Variants in ADGRA2 observed in about 807,000 individuals in gnomAD.
ADGRA2 encodes the protein adhesion G protein-coupled receptor A2.
In ADGRA2, 61 loss-of-function variants were observed where a neutral mutation model predicts 98.7. That is an observed-to-expected ratio of 0.62 (90% CI 0.50 to 0.76). The LOEUF is 0.76. Ranked by LOEUF, ADGRA2 falls within the 30% of genes least tolerant of loss-of-function variation. ADGRA2 has a pLI of 0.00. For synonymous variants in ADGRA2, 858 were observed against 831.5 expected (o/e 1.03, Z -0.55); for missense variants, 1,712 against 1,860.0 (o/e 0.92, Z 1.46).
intron 1 of ADGRA2, among the ~76,000 whole-genome samples, chr8:37,805,580 TC>T (rs898907350): frequency 2.0e-5 from 3 of 151,684 alleles, no homozygotes; most frequent in African/African-American, 7.3e-5. Context: ...ATTTTTTTTT[TC>T]TTTTTTGGCC....
chr8:37,839,170 C>A, intron 15 of ADGRA2, 87 bp downstream of exon 15: 1 of 1,528,158 alleles, frequency 6.5e-7, no homozygotes, highest in Non-Finnish European at 9.1e-7. Context: ...TGCTCCGGTA[C>A]ATACTTTCAA....
chr8:37,835,822 C>G, intron 13 of ADGRA2, 52 bp downstream of exon 13: 1 of 1,206,086 alleles, frequency 8.3e-7, no homozygotes, highest in Non-Finnish European at 1.2e-6. Flanking sequence ...TGTGTCCGCC[C>G]TGTTCCCCTT....
chr8:37,840,394 T>A, intron 17 of ADGRA2, 128 bp downstream of exon 17: 1 of 975,526 alleles, frequency 1.0e-6, no homozygotes, highest in African/African-American at 1.6e-5. Flanking sequence ...CGGGGGAGGC[T>A]AGGCCCTAGA....
At chr8:37,828,623 A>G (rs1224113685) in intron 2 of ADGRA2, among the ~76,000 whole-genome samples, 1 of 147,766 alleles carries the variant, frequency 6.8e-6, no homozygotes, top group Non-Finnish European at 1.5e-5. Flanking sequence ...ACAGGTGCAC[A>G]CTGCCACACC....
In ADGRA2 at chr8:37,833,969, G is replaced by T; in HGVS notation, c.1449G>T (p.Leu483=). The T allele has an allele frequency of 1.2e-6, 2 of 1,612,074 alleles. No homozygotes were observed. The highest frequency in any genetic ancestry group is 1.7e-6 in the Non-Finnish European group (2 of 1,178,982). ...CAGCAACTTCCCTGTCCCCCCAGCT[G>T]GTAGAGGTGATGGTGGACATGGCCA... ...FLGYVDQIKE[L]VEVMVDMASN... The change falls in exon 11 of 19, where the codon CTG becomes CTT. Residue 483 remains leucine, a splice_region_variant and synonymous_variant. Transcript: ENST00000412232.
rs139385983 is a variant in ADGRA2 at position 37,832,365 on chromosome 8, C to G, written c.1098-645C>G. On this transcript the variant is annotated intron_variant, in intron 8 of 18. Coordinates refer to ENST00000412232, the MANE Select transcript of ADGRA2 (RefSeq NM_032777.10). Reference sequence around the variant, plus strand: ...ACTGCGACTTTTTTTTAGACAGGGTCTTGCTCTTTCATCCAGGCTCCAGTG... The same window carrying G: ...ACTGCGACTTTTTTTTAGACAGGGTGTTGCTCTTTCATCCAGGCTCCAGTG... Among the ~76,000 whole-genome samples the G allele has an allele frequency of 3.0e-4, 46 of 152,182 alleles. No individual in the cohort carries two copies. The East Asian group carries it at 7.9e-3, about 26-fold the overall frequency.
At position 37,840,856 on chromosome 8, in the gene ADGRA2, A is replaced by ACCCCCCCCCCC; in HGVS notation, c.2747+11_2747+12insCCCCCCCCCCC. 2 of 1,483,342 alleles carry ACCCCCCCCCCC rather than the reference A, an allele frequency of 1.3e-6. No homozygotes were observed. The allele number at this position is 1,483,342 out of a possible 1,614,324, so 91.9% of individuals were successfully genotyped here. A position where few individuals can be genotyped will look rare whatever the true frequency, so the allele number is the denominator to read the frequency against. The stretch of plus-strand genomic sequence containing the variant: ...ACCGGGACCACAGCCCCTAGTGAGC[A>ACCCCCCCCCCC]CCCCTCCCTCCCGCCCCAAGCCTAC... On this transcript the variant is annotated splice_region_variant and intron_variant, in intron 18 of 18. Transcript: ENST00000412232.
At chr8:37,811,656 G>T (rs1236950793) in intron 1 of ADGRA2, among the ~76,000 whole-genome samples, 4 of 141,358 alleles carry the variant, frequency 2.8e-5, no homozygotes, top group African/African-American at 7.9e-5. Flanking sequence ...TTGTATTTTT[G>T]GTAGAGACGG....
rs753148485 is a variant in ADGRA2, at chr8:37,834,231, G to A, written c.1608+103G>A. 47 of 1,110,294 alleles carry A rather than the reference G, an allele frequency of 4.2e-5. No individual in the cohort carries two copies. The highest frequency in any genetic ancestry group is 5.1e-5 in the Non-Finnish European group (40 of 786,544). 68.8% of individuals were successfully genotyped at this position (1,110,294 alleles called of 1,614,324 possible). On this transcript the variant is annotated intron_variant, in intron 11 of 18. Coordinates refer to ENST00000412232, the MANE Select transcript of ADGRA2 (RefSeq NM_032777.10). This position sits in a 1 kb window ranked among gnomAD's most constrained non-coding sequence, Gnocchi z 4.2. ...GCCCCAGCTAGCAAGAGCAGCAGAC[G>A]TGACAAAGTTCTGAGCCATGGGGTT...
Position 37,841,300 on chromosome 8 carries a change from G to A in ADGRA2, c.2962G>A (p.Asp988Asn). The part of the protein sequence containing the change: ...RLRGSGPLLS[D>N]SGSLLATGSA... ...CAGGGGCAGCGGCCCCCTCCTGAGT[G>A]ACTCAGGTTCCCTTCTTGCTACTGG... Residue 988 changes from aspartate (D) to asparagine (N), a missense_variant, in exon 19 of 19, where the codon GAC (aspartate) becomes AAC (asparagine). Physicochemically the swap from Asp to Asn is conservative, Grantham distance 23 (BLOSUM62 1). Coordinates refer to ENST00000412232, the MANE Select transcript of ADGRA2 (RefSeq NM_032777.10). This position sits in a 1 kb window ranked among gnomAD's most constrained non-coding sequence, Gnocchi z 5.0. 1 of 1,609,522 alleles carries A rather than the reference G, an allele frequency of 6.2e-7. No individual in the cohort carries two copies. Among genetic ancestry groups the A allele is most frequent in the Non-Finnish European group, 8.5e-7 (1 of 1,177,898 alleles).
Position 37,842,286 on chromosome 8 carries a change from G to T in ADGRA2, c.3948G>T (p.Leu1316=), listed in dbSNP as rs1437052592. 1.9e-6 allele frequency: 3 copies of T among 1,578,428 alleles called. No homozygotes were observed. The East Asian group carries it at 7.0e-5, about 37-fold the overall frequency. The change falls in exon 19 of 19, where the codon CTG becomes CTT. Residue 1316 remains leucine, a synonymous_variant. Transcript: ENST00000412232. The part of the protein sequence containing the change: ...PKGGKYDDVT[L]MGAEVASGGC... ...GGGGCAAGTACGACGACGTCACCCT[G>T]ATGGGCGCGGAGGTAGCCAGCGGCG... is the stretch of plus-strand genomic sequence containing the variant.
intron 1 of ADGRA2, among the ~76,000 whole-genome samples, chr8:37,804,160 A>G (rs1364480438): frequency 1.2e-5 from 1 of 85,144 alleles, no homozygotes; most frequent in Non-Finnish European, 2.5e-5. Context: ...CACGGCTCTT[A>G]GCCAGGCAGC....
At chr8:37,819,645 C>G (rs933071469) in intron 2 of ADGRA2, among the ~76,000 whole-genome samples, 13 of 152,262 alleles carry the variant, frequency 8.5e-5, no homozygotes, top group Admixed American at 2.6e-4. Flanking sequence ...GCTGGGATTA[C>G]AGGCATGAGC....
In ADGRA2 at chr8:37,797,246, G is replaced by A. The variant is rs1340712782; in HGVS notation, c.-23G>A. The A allele has an allele frequency of 1.6e-6, 2 of 1,236,620 alleles. No homozygotes were observed. Among genetic ancestry groups the A allele is most frequent in the East Asian group, 3.3e-5 (1 of 30,028 alleles). The allele number at this position is 1,236,620 out of a possible 1,614,324, so 76.6% of individuals were successfully genotyped here. ...CGCGCAGCCCGGCCCCAGCGCTGTG[G>A]GTCCCCGCGGGGCGATGGGTTGATG... On this transcript the variant is annotated 5_prime_UTR_variant, in exon 1 of 19. Transcript: ENST00000412232. This position sits in a 1 kb window ranked among gnomAD's most constrained non-coding sequence, Gnocchi z 5.3.
In ADGRA2 at chr8:37,830,331, T is replaced by G. The variant is rs1276955535; in HGVS notation, c.718+317T>G. 5.9e-5 allele frequency among the ~76,000 whole-genome samples: 9 copies of G among 152,168 alleles called. No homozygotes were observed. The highest frequency in any genetic ancestry group is 1.5e-5 in the Non-Finnish European group (1 of 68,020). ...TCCCTGTGAGGCGGGGCCAGTGTTATTCTCCCTACTCCGCCTATGACTGTG... is the reference window on the plus strand; with the variant it reads ...TCCCTGTGAGGCGGGGCCAGTGTTAGTCTCCCTACTCCGCCTATGACTGTG... On this transcript the variant is annotated intron_variant, in intron 6 of 18. Coordinates refer to ENST00000412232, the MANE Select transcript of ADGRA2 (RefSeq NM_032777.10). This position sits in a 1 kb window ranked among gnomAD's most constrained non-coding sequence, Gnocchi z 4.8.
At chr8:37,836,677 C>T (rs746627412) in intron 13 of ADGRA2, among the ~76,000 whole-genome samples, 7 of 152,200 alleles carry the variant, frequency 4.6e-5, no homozygotes, top group South Asian at 4.1e-4. Flanking sequence ...TCCCTCATGC[C>T]GTCACCAGAT....
rs112087656 is a variant in ADGRA2 at position 37,829,052 on chromosome 8, C to T, written c.410+93C>T. The T allele has an allele frequency of 3.7e-3, 3,413 of 912,342 alleles. 84 individuals carry two copies. In the African/African-American group the frequency reaches 0.05, roughly 13 times the overall value. The allele number at this position is 912,342 out of a possible 1,614,324, so 56.5% of individuals were successfully genotyped here. A position where few individuals can be genotyped will look rare whatever the true frequency, so the allele number is the denominator to read the frequency against. ...CATGCCCACCCCCTTCCTCTCACCC[C>T]CCCACACCTGCCCCTCCTTTCCGCT... On this transcript the variant is annotated intron_variant, in intron 3 of 18. Transcript: ENST00000412232.
In ADGRA2 at chr8:37,797,620, G is replaced by A. The variant is rs1284932489; in HGVS notation, c.266+86G>A. The A allele has an allele frequency of 1.7e-6, 2 of 1,162,554 alleles. No individual in the cohort carries two copies. Among genetic ancestry groups the A allele is most frequent in the African/African-American group, 1.6e-5 (1 of 62,660 alleles). 72.0% of individuals were successfully genotyped at this position (1,162,554 alleles called of 1,614,324 possible). ...CGGGAGGGGTGGGAGCAGGGGGAAG[G>A]GGGCTATCCCCCCACTTCAGAGATT... On this transcript the variant is annotated intron_variant, in intron 1 of 18. Transcript: ENST00000412232. The surrounding 1 kb of genome is among the most constrained non-coding windows in gnomAD (Gnocchi z 5.3).
In ADGRA2 at chr8:37,829,833, C is replaced by G; in HGVS notation, c.555-18C>G. The stretch of plus-strand genomic sequence containing the variant: ...ACTCCCTCTGCTCTGCTCCGTGACC[C>G]CTCTGCCCACCCTGCAGGGACTTGG... On this transcript the variant is annotated intron_variant, in intron 5 of 18. Coordinates refer to ENST00000412232, the MANE Select transcript of ADGRA2 (RefSeq NM_032777.10). 6.2e-7 allele frequency: 1 copy of G among 1,603,692 alleles called. No individual in the cohort carries two copies. The highest frequency in any genetic ancestry group is 1.3e-5 in the African/African-American group (1 of 74,920).
Sources: gnomAD v4.1 joint callset for allele counts (sites outside exome capture counted in the v4.1 genomes callset) on GRCh38, gnomAD v4.1.1 for gene constraint, Gnocchi (gnomAD v3.1) non-coding constraint, MANE v1.5 for transcripts, NCBI Gene and HGNC (gene_info 2026-07-23, HGNC 2026-07-21) for gene names.